SLC35F1: variants seen among roughly 807,000 people sequenced by gnomAD.
SLC35F1 encodes the protein chromosome 6 open reading frame 169.
In SLC35F1, 14 loss-of-function variants were observed where a neutral mutation model predicts 48.7. The observed-to-expected ratio is 0.29, with a 90% confidence interval of 0.19 to 0.45. SLC35F1 has a LOEUF of 0.45. SLC35F1 is among the 20% of genes least tolerant of loss of function. SLC35F1 has a pLI of 1.00. For synonymous variants in SLC35F1, 190 were observed against 202.2 expected, an observed-to-expected ratio of 0.94 and a Z score of 0.51; for missense variants, 404 against 500.0, an observed-to-expected ratio of 0.81 and a Z score of 1.83.
intron 1 of SLC35F1, among the ~76,000 whole-genome samples, chr6:117,921,053 GACACACAC>G (rs60793418): frequency 0.43 from 63,942 of 149,334 alleles, 16,326 homozygotes; most frequent in South Asian, 0.67. Context: ...ATTTCTCTTT[GACACACAC>G]ACACACACAC....
intron 1 of SLC35F1, among the ~76,000 whole-genome samples, chr6:117,989,027 AG>A (rs2114856256): frequency 6.6e-6 from 1 of 152,362 alleles, no homozygotes; most frequent in South Asian, 2.1e-4. Context: ...CTCCATAAAA[AG>A]ATAGGTAGAG....
chr6:118,236,154 G>A (rs769108759), intron 3 of SLC35F1, among the ~76,000 whole-genome samples: 1 of 152,042 alleles, frequency 6.6e-6, no homozygotes, highest in African/African-American at 2.4e-5. Flanking sequence ...TTCCTAAAGG[G>A]ACAAGGAGTC....
chr6:117,941,807 C>T (rs1330388621), intron 1 of SLC35F1, among the ~76,000 whole-genome samples: 1 of 152,168 alleles, frequency 6.6e-6, no homozygotes, highest in Admixed American at 6.5e-5. Flanking sequence ...CGAAAGAAAA[C>T]AGTCCTGCTC....
chr6:118,163,313 A>G (rs1267454460), intron 2 of SLC35F1, among the ~76,000 whole-genome samples: 3 of 152,138 alleles, frequency 2.0e-5, no homozygotes, highest in Non-Finnish European at 4.4e-5. Flanking sequence ...AACTCTCAGT[A>G]TCACTTAGTA....
chr6:118,005,405 C>T (rs1777161041), intron 1 of SLC35F1, among the ~76,000 whole-genome samples: 1 of 152,116 alleles, frequency 6.6e-6, no homozygotes, highest in South Asian at 2.1e-4. Context: ...ATAGTGTCTT[C>T]TTTATTTATT....
chr6:118,222,364 G>T (rs1314905197), intron 2 of SLC35F1, among the ~76,000 whole-genome samples: 1 of 150,748 alleles, frequency 6.6e-6, no homozygotes. Flanking sequence ...TCCCATATTG[G>T]TAGTTGAGTA....
intron 4 of SLC35F1, among the ~76,000 whole-genome samples, chr6:118,268,905 C>T (rs372300958): frequency 2.0e-5 from 3 of 152,084 alleles, no homozygotes; most frequent in South Asian, 2.1e-4. Flanking sequence ...CCACTGCGGC[C>T]GGCCTAAAGT....
intron 1 of SLC35F1, among the ~76,000 whole-genome samples, chr6:117,915,853 C>CT (rs1261774992): frequency 6.6e-6 from 1 of 152,080 alleles, no homozygotes; most frequent in African/African-American, 2.4e-5. Flanking sequence ...AAATGTGAGT[C>CT]TAAGTGGGGT....
chr6:117,989,268 G>T (rs78395633), intron 1 of SLC35F1, among the ~76,000 whole-genome samples: 2 of 152,160 alleles, frequency 1.3e-5, no homozygotes, highest in Non-Finnish European at 2.9e-5. Flanking sequence ...ATTTTTAGCT[G>T]AACACATTTT....
rs1774855422 is a variant in SLC35F1 at position 118,200,174 on chromosome 6, AC to A, written c.350-35334del. On this transcript the variant is annotated intron_variant, in intron 2 of 7. Coordinates refer to ENST00000360388, the MANE Select transcript of SLC35F1 (RefSeq NM_001029858.4). ...TACATACATATATACATACATACATACATACATACATACATACATACATACA... is the reference window on the plus strand; with the variant it reads ...TACATACATATATACATACATACATAATACATACATACATACATACATACA... Among the ~76,000 whole-genome samples the A allele has an allele frequency of 2.0e-5, 3 of 149,102 alleles. 1 individual carries two copies. In the South Asian group the frequency reaches 6.2e-4, roughly 31 times the overall value.
chr6:118,190,987 T>C (rs763195673), intron 2 of SLC35F1, among the ~76,000 whole-genome samples: 9 of 152,214 alleles, frequency 5.9e-5, no homozygotes, highest in Non-Finnish European at 1.0e-4. Flanking sequence ...TGTGTAACCA[T>C]AGCCTTTACA....
intron 3 of SLC35F1, among the ~76,000 whole-genome samples, chr6:118,247,429 G>A (rs1278515384): frequency 6.6e-6 from 1 of 152,210 alleles, no homozygotes; most frequent in African/African-American, 2.4e-5. Context: ...GTACAAGCAA[G>A]TGTGGTAGTA....
chr6:118,275,903 G>T (rs544910860), intron 5 of SLC35F1, among the ~76,000 whole-genome samples: 3 of 152,258 alleles, frequency 2.0e-5, no homozygotes, highest in South Asian at 4.1e-4. Context: ...CCATGAGTGG[G>T]TTATTACTTA....
intron 3 of SLC35F1, among the ~76,000 whole-genome samples, chr6:118,263,891 CCAAA>C (rs1180827322): frequency 1.3e-5 from 2 of 152,172 alleles, no homozygotes; most frequent in African/African-American, 2.4e-5. Context: ...AGAGCAGCTG[CCAAA>C]CAGTTTCTCT....
intron 1 of SLC35F1, among the ~76,000 whole-genome samples, chr6:118,100,522 A>G (rs1000890309): frequency 4.6e-5 from 7 of 152,166 alleles, no homozygotes; most frequent in African/African-American, 1.7e-4. Flanking sequence ...TTACAGTTTT[A>G]TTATAGCAAA....
chr6:118,274,859 A>G (rs1232816701), intron 4 of SLC35F1, among the ~76,000 whole-genome samples: 2 of 152,218 alleles, frequency 1.3e-5, no homozygotes, highest in Admixed American at 6.5e-5. Flanking sequence ...CATTTTGCCC[A>G]TGGTCAAAGT....
intron 3 of SLC35F1, among the ~76,000 whole-genome samples, chr6:118,239,544 A>G (rs1188668319): frequency 6.6e-6 from 1 of 151,844 alleles, no homozygotes; most frequent in Non-Finnish European, 1.5e-5. Flanking sequence ...TTGTTTCTTA[A>G]GTTCAGTGAG....
At chr6:117,911,213 T>G (rs1027063062) in intron 1 of SLC35F1, among the ~76,000 whole-genome samples, 1 of 152,192 alleles carries the variant, frequency 6.6e-6, no homozygotes, top group Non-Finnish European at 1.5e-5. Flanking sequence ...TAATGGGACA[T>G]CACATTTTTT....
At chr6:118,115,409 A>G (rs1319045218) in intron 1 of SLC35F1, among the ~76,000 whole-genome samples, 1 of 152,212 alleles carries the variant, frequency 6.6e-6, no homozygotes, top group Non-Finnish European at 1.5e-5. Context: ...TCAAGGACAG[A>G]GTGGTGGTTT....
Sources: gnomAD v4.1 joint callset for allele counts (sites outside exome capture counted in the v4.1 genomes callset) on GRCh38, gnomAD v4.1.1 for gene constraint, MANE v1.5 for transcripts, NCBI Gene and HGNC (gene_info 2026-07-23, HGNC 2026-07-21) for gene names.